ZBBX: variants seen among roughly 807,000 people sequenced by gnomAD.
ZBBX encodes zinc finger B-box domain containing, also known as zinc finger B-box domain-containing protein 1.
Under a neutral mutation model 108.5 loss-of-function variants are expected in ZBBX, and 101 were observed. The ratio of observed to expected loss-of-function variants is 0.93; its 90% confidence interval spans 0.79 to 1.10. ZBBX has a LOEUF of 1.10. ZBBX is among the 50% of genes least tolerant of loss of function. The pLI is 0.00. For synonymous variants in ZBBX, 356 were observed against 323.4 expected, an observed-to-expected ratio of 1.10 and a Z score of -1.08; for missense variants, 1,009 against 941.4, an observed-to-expected ratio of 1.07 and a Z score of -0.94.
At chr3:167,385,932 C>T (rs541389423) in intron 1 of ZBBX, among the ~76,000 whole-genome samples, 2 of 152,086 alleles carry the variant, frequency 1.3e-5, no homozygotes, top group Non-Finnish European at 2.9e-5. Context: ...TAATCTGCCA[C>T]TCTTCCTCCT....
At chr3:167,375,042 A>C (rs1025605476) in intron 2 of ZBBX, among the ~76,000 whole-genome samples, 2 of 152,136 alleles carry the variant, frequency 1.3e-5, no homozygotes, top group African/African-American at 4.8e-5. Flanking sequence ...TAGCATTTGG[A>C]ATTTATTCTG....
At chr3:167,180,965 G>A in the ZBBX span, among the ~76,000 whole-genome samples, 1 of 152,140 alleles carries the variant, frequency 6.6e-6, no homozygotes, top group Non-Finnish European at 1.5e-5. Flanking sequence ...ATTCCAGGGG[G>A]AATATGTTGG....
intron 20 of ZBBX, among the ~76,000 whole-genome samples, chr3:167,259,035 G>T (rs1363034373): frequency 6.6e-6 from 1 of 152,012 alleles, no homozygotes; most frequent in Admixed American, 6.6e-5. Context: ...TGGAAGAGTG[G>T]CAAAAGGATT....
the ZBBX span, among the ~76,000 whole-genome samples, chr3:167,202,957 A>G: frequency 1.3e-5 from 2 of 152,142 alleles, no homozygotes; most frequent in African/African-American, 4.8e-5. Context: ...TTAAAGTGTG[A>G]TGCTTCCCCA....
chr3:167,199,762 T>C, the ZBBX span, among the ~76,000 whole-genome samples: 1 of 152,194 alleles, frequency 6.6e-6, no homozygotes. Context: ...AGATTGAAGA[T>C]ATCCTCCATA....
chr3:167,298,452 G>A lies in ZBBX; in HGVS notation c.1732C>T (p.Gln578Ter). Reference sequence around the variant, plus strand: ...GGCTTACTTCTGCAGGCTATTTCTTGTAACAACTAAGAAACAAAATATTCA... The same window carrying A: ...GGCTTACTTCTGCAGGCTATTTCTTATAACAACTAAGAAACAAAATATTCA... Reference protein sequence around the residue: ...SKTTKSSLLLQEIACRSKPIT... With the variant: ...SKTTKSSLLL Residue 578 changes from glutamine to a stop codon, truncating the protein, a stop_gained, in exon 18 of 22, where the codon CAA (glutamine) becomes TAA (stop). Coordinates refer to ENST00000675490, the MANE Select transcript of ZBBX (RefSeq NM_001199201.2). LOFTEE classifies it high-confidence loss of function. 2 of 1,488,608 alleles carry A rather than the reference G, an allele frequency of 1.3e-6. No individual in the cohort carries two copies. Among genetic ancestry groups the A allele is most frequent in the Non-Finnish European group, 1.8e-6 (2 of 1,110,222 alleles). 92.2% of individuals were successfully genotyped at this position (1,488,608 alleles called of 1,614,324 possible).
At chr3:167,335,194 T>A (rs1739354104) in intron 9 of ZBBX, among the ~76,000 whole-genome samples, 1 of 152,172 alleles carries the variant, frequency 6.6e-6, no homozygotes, top group Non-Finnish European at 1.5e-5. Flanking sequence ...ACATATATAT[T>A]TTAATGATTT....
chr3:167,401,753 C>T (rs1748430489), intron 1 of ZBBX, among the ~76,000 whole-genome samples: 1 of 152,122 alleles, frequency 6.6e-6, no homozygotes, highest in Admixed American at 6.6e-5. Context: ...CTTCTGCCAA[C>T]CTCCTATACT....
At chr3:167,366,668 C>T in intron 5 of ZBBX, 2 of 343,210 alleles carry the variant, frequency 5.8e-6, no homozygotes, top group South Asian at 2.4e-5. Context: ...CTGGCTATGA[C>T]ATTTAATATC....
the ZBBX span, among the ~76,000 whole-genome samples, chr3:167,199,348 A>G: frequency 0.051 from 7,825 of 152,238 alleles, 554 homozygotes; most frequent in African/African-American, 0.16. Flanking sequence ...CAGCTGCAGC[A>G]TCTGGGGAAT....
intron 20 of ZBBX, among the ~76,000 whole-genome samples, chr3:167,256,541 G>A (rs1274628886): frequency 6.7e-6 from 1 of 148,432 alleles, no homozygotes; most frequent in Non-Finnish European, 1.5e-5. Context: ...CTATCAAATA[G>A]CAGGTCTTAT....
chr3:167,183,823 C>A, the ZBBX span, among the ~76,000 whole-genome samples: 1 of 152,158 alleles, frequency 6.6e-6, no homozygotes, highest in African/African-American at 2.4e-5. Flanking sequence ...CCATCATGAG[C>A]ATGTCACAGT....
In ZBBX at chr3:167,366,122, A is replaced by G. The variant is rs190078091; in HGVS notation, c.183-146T>C. ...AGCAAAACATGAAAAATAAATATCA[A>G]TAATGTCACAATATCCTCAGTAATT... On this transcript the variant is annotated intron_variant, in intron 5 of 21. Coordinates refer to ENST00000675490, the MANE Select transcript of ZBBX (RefSeq NM_001199201.2). The G allele has an allele frequency of 2.0e-5, 10 of 508,184 alleles. No homozygotes were observed. The Admixed American group carries it at 2.4e-4, about 12-fold the overall frequency. 31.5% of individuals were successfully genotyped at this position (508,184 alleles called of 1,614,324 possible).
At chr3:167,209,612 A>G in the ZBBX span, among the ~76,000 whole-genome samples, 1 of 152,230 alleles carries the variant, frequency 6.6e-6, no homozygotes, top group Non-Finnish European at 1.5e-5. Context: ...CAAGAGGGAT[A>G]GGTACAAACA....
the ZBBX span, among the ~76,000 whole-genome samples, chr3:167,193,527 AACAAT>A: frequency 6.6e-6 from 1 of 152,086 alleles, no homozygotes; most frequent in African/African-American, 2.4e-5. Flanking sequence ...TTGAGACAGG[AACAAT>A]TGTAGTTCCC....
At chr3:167,191,557 G>T in the ZBBX span, among the ~76,000 whole-genome samples, 1 of 151,992 alleles carries the variant, frequency 6.6e-6, no homozygotes, top group African/African-American at 2.4e-5. Flanking sequence ...TTTTAAAAAT[G>T]GGAGTTTCTC....
chr3:167,182,306 CT>C, the ZBBX span, among the ~76,000 whole-genome samples: 2,048 of 152,292 alleles, frequency 0.013, 22 homozygotes, highest in South Asian at 0.026. Flanking sequence ...CACTTTCCCC[CT>C]AATAGGTGGC....
At chr3:167,353,778 A>C (rs985285170) in intron 8 of ZBBX, among the ~76,000 whole-genome samples, 45 of 152,070 alleles carry the variant, frequency 3.0e-4, no homozygotes, top group Admixed American at 3.0e-3. Flanking sequence ...AGAGATAACA[A>C]AAGAACATAA....
At chr3:167,390,362 C>A (rs867959747) in intron 1 of ZBBX, among the ~76,000 whole-genome samples, 1 of 150,526 alleles carries the variant, frequency 6.6e-6, no homozygotes, top group Non-Finnish European at 1.5e-5. Context: ...TTTTGGTTAC[C>A]ATAGCCTTTG....
Sources: allele counts gnomAD v4.1 joint callset (sites outside exome capture counted in the v4.1 genomes callset), GRCh38; gene constraint gnomAD v4.1.1; transcripts MANE v1.5; gene names NCBI Gene and HGNC (gene_info 2026-07-23, HGNC 2026-07-21).